The following PDE4D variants were observed in gnomAD, a reference collection of about 807,000 sequenced individuals.
PDE4D encodes the protein 3',5'-cyclic-AMP phosphodiesterase 4D.
Under a neutral mutation model 87.4 loss-of-function variants are expected in PDE4D, and 24 were observed. That is an observed-to-expected ratio of 0.27 (90% CI 0.20 to 0.39). The LOEUF is 0.39. PDE4D is among the 10% of genes least tolerant of loss of function. PDE4D has a pLI of 1.00. For synonymous variants in PDE4D, 384 were observed against 383.2 expected (o/e 1.00, Z -0.02); for missense variants, 714 against 1,041.0 (o/e 0.69, Z 4.32).
intron 2 of PDE4D, among the ~76,000 whole-genome samples, chr5:60,068,417 GTTATTTAT>G (rs56351714): frequency 6.6e-6 from 1 of 150,588 alleles, no homozygotes; most frequent in African/African-American, 2.4e-5. Context: ...TTTAAATCAG[GTTATTTAT>G]TTATTTATTT....
intron 1 of PDE4D, among the ~76,000 whole-genome samples, chr5:59,387,729 T>C (rs380993): frequency 0.25 from 37,704 of 151,986 alleles, 5,010 homozygotes; most frequent in East Asian, 0.39. Context: ...GATGTATACA[T>C]TGTGAAGTGG....
Position 59,889,609 on chromosome 5 carries a change from G to T in PDE4D, c.455+3559C>A, listed in dbSNP as rs1750666375. Reference sequence around the variant, plus strand: ...TTTATAATATCAAGGAATCATCCATGCTGCTTGTATTTTCAACCTTAGTGT... The same window carrying T: ...TTTATAATATCAAGGAATCATCCATTCTGCTTGTATTTTCAACCTTAGTGT... On this transcript the variant is annotated intron_variant, in intron 1 of 14. Coordinates refer to ENST00000340635, the MANE Select transcript of PDE4D (RefSeq NM_001104631.2). 2.6e-5 allele frequency among the ~76,000 whole-genome samples: 4 copies of T among 152,176 alleles called. No homozygotes were observed. In the South Asian group the frequency reaches 8.3e-4, roughly 32 times the overall value.
In PDE4D at chr5:60,082,003, C is replaced by T. The variant is rs57332619; in HGVS notation, c.43-93286G>A. 1.6e-3 allele frequency among the ~76,000 whole-genome samples: 237 copies of T among 152,202 alleles called. 3 individuals are homozygous for T. In the East Asian group the frequency reaches 0.023, roughly 15 times the overall value. ...CTTCTTCTTACCAAAGGAGAGTTCT[C>T]CCCATCCACTCTCCATTCCTCACTA... is the stretch of plus-strand genomic sequence containing the variant. On this transcript the variant is annotated intron_variant, in intron 2 of 16. Coordinates refer to the PDE4D transcript ENST00000502484.
intron 1 of PDE4D, among the ~76,000 whole-genome samples, chr5:59,835,585 T>C (rs1248893667): frequency 1.3e-5 from 2 of 152,060 alleles, no homozygotes; most frequent in Non-Finnish European, 2.9e-5. Context: ...ATACATCACT[T>C]AATAAGTTGG....
chr5:60,390,551 A>G (rs1451023981), intron 1 of PDE4D, among the ~76,000 whole-genome samples: 1 of 152,036 alleles, frequency 6.6e-6, no homozygotes, highest in East Asian at 1.9e-4. Context: ...ATTGGTTATC[A>G]GCACTGAAAC....
chr5:59,444,587 C>T (rs980138611), intron 1 of PDE4D, among the ~76,000 whole-genome samples: 5 of 151,978 alleles, frequency 3.3e-5, no homozygotes, highest in Non-Finnish European at 7.4e-5. Context: ...CCGAGGCGGG[C>T]GGATCACGAG....
chr5:59,791,760 C>A (rs529568815), intron 1 of PDE4D, among the ~76,000 whole-genome samples: 2 of 152,124 alleles, frequency 1.3e-5, no homozygotes, highest in East Asian at 3.8e-4. Context: ...CAGACAGCCC[C>A]GGGCTTAGAA....
intron 1 of PDE4D, among the ~76,000 whole-genome samples, chr5:59,572,146 T>G (rs1821949772): frequency 6.6e-6 from 1 of 152,186 alleles, no homozygotes; most frequent in Non-Finnish European, 1.5e-5. Context: ...TGTCCACGTA[T>G]AGACTCAACA....
At chr5:60,051,370 A>G (rs1028699367) in intron 2 of PDE4D, among the ~76,000 whole-genome samples, 3 of 152,240 alleles carry the variant, frequency 2.0e-5, no homozygotes, top group South Asian at 2.1e-4. Flanking sequence ...ATTAGAACTC[A>G]GGATTAAGAA....
In PDE4D at chr5:59,893,609, C is replaced by T. The variant is rs1490334173; in HGVS notation, c.14G>A (p.Gly5Asp). ...GCCCGCCCGGGCCGGCGCGCTGCTG[C>T]CCTCTGCCTCCATCCTGGCTCGCGG... MEAE[G>D]SSAPARAGSG... Residue 5 changes from glycine (G) to aspartate (D), a missense_variant, in exon 1 of 15, where the codon GGC becomes GAC. Coordinates refer to ENST00000340635, the MANE Select transcript of PDE4D (RefSeq NM_001104631.2). 1.3e-6 allele frequency: 2 copies of T among 1,509,782 alleles called. No homozygotes were observed. Among genetic ancestry groups the T allele is most frequent in the Admixed American group, 2.1e-5 (1 of 47,134 alleles). 93.5% of individuals were successfully genotyped at this position (1,509,782 alleles called of 1,614,324 possible). A position where few individuals can be genotyped will look rare whatever the true frequency, so the allele number is the denominator to read the frequency against.
intron 1 of PDE4D, among the ~76,000 whole-genome samples, chr5:60,506,613 G>T (rs1201770547): frequency 6.6e-6 from 1 of 151,858 alleles, no homozygotes; most frequent in Admixed American, 6.6e-5. Flanking sequence ...TTTAATCAGA[G>T]AAAGAACAAA....
intron 2 of PDE4D, among the ~76,000 whole-genome samples, chr5:60,023,999 T>C (rs1466079682): frequency 6.6e-6 from 1 of 152,170 alleles, no homozygotes; most frequent in East Asian, 1.9e-4. Context: ...TTAGTAAAAC[T>C]AAAAAATTTT....
chr5:59,096,299 A>T (rs1769702495), intron 5 of PDE4D, among the ~76,000 whole-genome samples: 1 of 152,210 alleles, frequency 6.6e-6, no homozygotes, highest in Non-Finnish European at 1.5e-5. Flanking sequence ...GGATAATAAG[A>T]CTTCAGAATC....
intron 1 of PDE4D, among the ~76,000 whole-genome samples, chr5:59,401,636 G>T (rs1790671597): frequency 6.6e-6 from 1 of 152,052 alleles, no homozygotes; most frequent in Non-Finnish European, 1.5e-5. Flanking sequence ...AATGTTAGGG[G>T]TTCTCAGTGG....
intron 3 of PDE4D, chr5:59,987,611 G>C (rs1316496836): frequency 6.6e-6 from 1 of 152,196 alleles, no homozygotes; most frequent in Non-Finnish European, 1.5e-5. Context: ...GGCAGAGAAT[G>C]TGGGACCATC....
intron 2 of PDE4D, among the ~76,000 whole-genome samples, chr5:60,040,557 G>C (rs887622336): frequency 6.6e-6 from 1 of 152,062 alleles, no homozygotes; most frequent in Non-Finnish European, 1.5e-5. Context: ...CCATTACTCA[G>C]AAATGCATAC....
intron 2 of PDE4D, among the ~76,000 whole-genome samples, chr5:60,027,736 A>C (rs1431529155): frequency 6.6e-6 from 1 of 152,240 alleles, no homozygotes; most frequent in Non-Finnish European, 1.5e-5. Context: ...AAATAAATGA[A>C]TCTCAATACA....
chr5:59,033,103 T>C (rs1310690252), intron 6 of PDE4D, among the ~76,000 whole-genome samples: 1 of 152,086 alleles, frequency 6.6e-6, no homozygotes, highest in Non-Finnish European at 1.5e-5. Flanking sequence ...TACTAAATAA[T>C]AATAATAAAT....
Position 59,963,668 on chromosome 5 carries a change from C to T in PDE4D, c.272+24820G>A, listed in dbSNP as rs141572744. Among the ~76,000 whole-genome samples the T allele has an allele frequency of 4.4e-3, 668 of 152,304 alleles. 7 individuals are homozygous for T. Among genetic ancestry groups the T allele is most frequent in the African/African-American group, 0.016 (645 of 41,558 alleles). ...TTCCTATTTAGCTTTTCACATTACT[C>T]TTTCCATTAGTAAAGTCTATTCCAT... On this transcript the variant is annotated intron_variant, in intron 3 of 16. Transcript: ENST00000502484.
Sources: gnomAD v4.1 joint callset for allele counts (sites outside exome capture counted in the v4.1 genomes callset) on GRCh38, gnomAD v4.1.1 for gene constraint, MANE v1.5 for transcripts, NCBI Gene and HGNC (gene_info 2026-07-23, HGNC 2026-07-21) for gene names.